ABCB5: variants seen among roughly 807,000 people sequenced by gnomAD.
ABCB5 encodes ATP-binding cassette sub-family B member 5.
ABCB5 carries 155 observed loss-of-function variants against 144.2 expected under a neutral mutation model. That is an observed-to-expected ratio of 1.08 (90% CI 0.94 to 1.23). The LOEUF is 1.23. Among genes scored for constraint, ABCB5 ranks in the 50% most tolerant of loss-of-function variants. ABCB5 has a pLI of 0.00. For synonymous variants in ABCB5, 610 were observed against 528.6 expected (o/e 1.15, Z -2.11); for missense variants, 1,830 against 1,520.8 (o/e 1.20, Z -3.38).
intron 3 of ABCB5, 126 bp downstream of exon 3, chr7:20,626,737 A>G: frequency 1.3e-6 from 1 of 759,012 alleles, no homozygotes; most frequent in Non-Finnish European, 1.9e-6. Context: ...AAAATAATTC[A>G]TTAAAGTATG....
intron 23 of ABCB5, among the ~76,000 whole-genome samples, chr7:20,735,642 G>T (rs192701037): frequency 1.3e-5 from 2 of 152,160 alleles, no homozygotes; most frequent in Non-Finnish European, 2.9e-5. Context: ...CTAAAGAAGA[G>T]AAATCAAAGG....
intron 16 of ABCB5, among the ~76,000 whole-genome samples, chr7:20,686,412 C>T (rs1398549420): frequency 6.6e-6 from 1 of 152,128 alleles, no homozygotes; most frequent in Non-Finnish European, 1.5e-5. Context: ...CCCAGCAGTT[C>T]CCATCTGCAC....
chr7:20,715,309 G>C (rs1272064403), intron 20 of ABCB5, among the ~76,000 whole-genome samples: 2 of 152,094 alleles, frequency 1.3e-5, no homozygotes, highest in East Asian at 3.9e-4. Context: ...GCCTCCCAAA[G>C]TGCTAGGATT....
At chr7:20,711,857 CT>C (rs1562573868) in intron 20 of ABCB5, among the ~76,000 whole-genome samples, 2 of 70,466 alleles carry the variant, frequency 2.8e-5, no homozygotes, top group Non-Finnish European at 5.4e-5. Context: ...TTCTTTCTTT[CT>C]TTCCTTCCTC....
At chr7:20,730,816 G>A (rs1231898951) in intron 23 of ABCB5, among the ~76,000 whole-genome samples, 2 of 152,152 alleles carry the variant, frequency 1.3e-5, no homozygotes, top group African/African-American at 4.8e-5. Flanking sequence ...CAAGCCAATA[G>A]TTTGAAACTC....
intron 13 of ABCB5, 53 bp downstream of exon 13, chr7:20,651,676 A>T (rs1784599710): frequency 1.3e-6 from 2 of 1,554,188 alleles, no homozygotes; most frequent in East Asian, 2.2e-5. Context: ...GCGCTGCGAC[A>T]TTCCAATATA....
At chr7:20,627,402 C>T (rs17143189) in intron 3 of ABCB5, among the ~76,000 whole-genome samples, 4,036 of 152,144 alleles carry the variant, frequency 0.027, 180 homozygotes, top group African/African-American at 0.092. Flanking sequence ...GCTATTGCAA[C>T]GATGAATGGA....
At chr7:20,630,674 A>G (rs896059261) in intron 4 of ABCB5, among the ~76,000 whole-genome samples, 6 of 152,204 alleles carry the variant, frequency 3.9e-5, no homozygotes, top group African/African-American at 7.2e-5. Flanking sequence ...TTGATTGTCT[A>G]CTACATCTCC....
chr7:20,623,451 T>C, intron 2 of ABCB5, 113 bp downstream of exon 2: 1 of 820,084 alleles, frequency 1.2e-6, no homozygotes, highest in South Asian at 1.6e-5. Context: ...AGCAACACTA[T>C]TTGCATTTTG....
At chr7:20,721,829 T>G (rs1017568010) in intron 20 of ABCB5, among the ~76,000 whole-genome samples, 1 of 152,222 alleles carries the variant, frequency 6.6e-6, no homozygotes, top group South Asian at 2.1e-4. Flanking sequence ...TAGATTCTAT[T>G]GTAGTAAATA....
intron 5 of ABCB5, among the ~76,000 whole-genome samples, chr7:20,637,921 A>G (rs928322329): frequency 2.0e-5 from 3 of 152,164 alleles, no homozygotes; most frequent in Non-Finnish European, 4.4e-5. Flanking sequence ...TCAGAAAGCT[A>G]AGGCCTCAAG....
intron 21 of ABCB5, among the ~76,000 whole-genome samples, chr7:20,723,563 G>A (rs542733974): frequency 5.9e-5 from 9 of 152,270 alleles, no homozygotes; most frequent in Non-Finnish European, 1.0e-4. Flanking sequence ...GGAATAATAC[G>A]AGTATTCACT....
chr7:20,710,367 C>CAAAA (rs144865719), intron 20 of ABCB5, among the ~76,000 whole-genome samples: 1 of 35,126 alleles, frequency 2.8e-5, no homozygotes, highest in Non-Finnish European at 4.7e-5. Flanking sequence ...AACTCCACCT[C>CAAAA]AAAAAAAAAA....
chr7:20,626,166 A>G lies in ABCB5; in HGVS notation c.54-391A>G, dbSNP rs548022026. 5.9e-5 allele frequency among the ~76,000 whole-genome samples: 9 copies of G among 152,326 alleles called. No individual in the cohort carries two copies. In the East Asian group the frequency reaches 1.7e-3, roughly 29 times the overall value. On this transcript the variant is annotated intron_variant, in intron 2 of 27. Transcript: ENST00000404938. ...TTGCCAGGGGCTGGGAGATGGGGAC[A>G]ATGGGAAAATGTTTAATGTGTACAG... is the stretch of plus-strand genomic sequence containing the variant.
At chr7:20,659,258 A>C (rs1784918020) in intron 14 of ABCB5, 8 of 1,512,194 alleles carry the variant, frequency 5.3e-6, no homozygotes, top group Non-Finnish European at 7.1e-6. Flanking sequence ...CTAGGAGGGG[A>C]GTTGGCAGTG....
intron 16 of ABCB5, among the ~76,000 whole-genome samples, chr7:20,688,459 T>G (rs2128040733): frequency 6.6e-6 from 1 of 152,202 alleles, no homozygotes; most frequent in South Asian, 2.1e-4. Flanking sequence ...CATTAAAAAG[T>G]CAGGAAACAA....
chr7:20,663,247 T>C (rs1295932015), intron 14 of ABCB5, among the ~76,000 whole-genome samples: 2 of 152,348 alleles, frequency 1.3e-5, no homozygotes, highest in South Asian at 2.1e-4. Context: ...TCTGAGTATA[T>C]GCCCAAAATA....
chr7:20,695,200 T>G (rs1786367098), intron 16 of ABCB5, among the ~76,000 whole-genome samples: 1 of 151,918 alleles, frequency 6.6e-6, no homozygotes, highest in South Asian at 2.1e-4. Context: ...AATCAAAACA[T>G]TTCAATGGCA....
At chr7:20,739,791 A>C (rs762902661) in intron 24 of ABCB5, among the ~76,000 whole-genome samples, 1 of 152,162 alleles carries the variant, frequency 6.6e-6, no homozygotes, top group African/African-American at 2.4e-5. Flanking sequence ...CATGGGAAAT[A>C]TATTTACAAA....
Sources: gnomAD v4.1 joint callset for allele counts (sites outside exome capture counted in the v4.1 genomes callset) on GRCh38, gnomAD v4.1.1 for gene constraint, MANE v1.5 for transcripts, NCBI Gene and HGNC (gene_info 2026-07-23, HGNC 2026-07-21) for gene names.